Variants in GRXCR1 observed in about 807,000 individuals in gnomAD.
The protein encoded by GRXCR1 is glutaredoxin and cysteine rich domain containing 1, also known as glutaredoxin domain-containing cysteine-rich protein 1.
GRXCR1 carries 27 observed loss-of-function variants against 27.3 expected under a neutral mutation model. The ratio of observed to expected loss-of-function variants is 0.99; its 90% CI spans 0.73 to 1.37. GRXCR1 has a LOEUF of 1.37. Among genes scored for constraint, GRXCR1 ranks in the 40% most tolerant of loss-of-function variants. The pLI is 0.00. For missense variants in GRXCR1, 379 were observed against 354.4 expected (o/e 1.07, Z -0.56); for synonymous variants, 122 against 131.1 (o/e 0.93, Z 0.47).
intron 1 of GRXCR1, among the ~76,000 whole-genome samples, chr4:42,920,514 A>T (rs1404767585): frequency 6.6e-6 from 1 of 152,150 alleles, no homozygotes; most frequent in African/African-American, 2.4e-5. Context: ...TATGGTAAGC[A>T]TGCCTAGAAG....
intron 1 of GRXCR1, among the ~76,000 whole-genome samples, chr4:42,908,420 G>A (rs1055997674): frequency 6.6e-6 from 1 of 152,180 alleles, no homozygotes; most frequent in African/African-American, 2.4e-5. Flanking sequence ...AACCCTAGGA[G>A]TTGGTGCTGT....
intron 1 of GRXCR1, among the ~76,000 whole-genome samples, chr4:42,950,522 G>A (rs1747857709): frequency 1.3e-5 from 2 of 152,160 alleles, no homozygotes; most frequent in Admixed American, 6.6e-5. Context: ...TAGAAGCCAA[G>A]ATATTCATAT....
At chr4:42,995,683 G>A (rs753496459) in intron 2 of GRXCR1, among the ~76,000 whole-genome samples, 55 of 152,096 alleles carry the variant, frequency 3.6e-4, no homozygotes, top group Non-Finnish European at 7.1e-4. Flanking sequence ...AGAAGTATAT[G>A]TACGCCACTC....
chr4:42,905,563 G>A (rs1303828594), intron 1 of GRXCR1, among the ~76,000 whole-genome samples: 1 of 152,134 alleles, frequency 6.6e-6, no homozygotes, highest in Non-Finnish European at 1.5e-5. Flanking sequence ...ATATGATAAA[G>A]GACCCAGACG....
intron 2 of GRXCR1, among the ~76,000 whole-genome samples, chr4:42,972,184 T>C (rs957398751): frequency 6.6e-6 from 1 of 152,234 alleles, no homozygotes; most frequent in Non-Finnish European, 1.5e-5. Context: ...TTTCATTTTT[T>C]ATTATTTAAC....
intron 2 of GRXCR1, among the ~76,000 whole-genome samples, chr4:43,007,190 A>G (rs1222460029): frequency 6.6e-6 from 1 of 152,214 alleles, no homozygotes; most frequent in South Asian, 2.1e-4. Flanking sequence ...AAGCATTCCA[A>G]TGAGGCCACC....
intron 2 of GRXCR1, among the ~76,000 whole-genome samples, chr4:42,996,825 A>G (rs1048828338): frequency 2.6e-5 from 4 of 151,886 alleles, no homozygotes; most frequent in African/African-American, 4.8e-5. Flanking sequence ...TTTTATGTTA[A>G]TATTTTATAT....
At chr4:43,019,544 A>G (rs1713035184) in intron 2 of GRXCR1, among the ~76,000 whole-genome samples, 1 of 152,204 alleles carries the variant, frequency 6.6e-6, no homozygotes, top group Admixed American at 6.5e-5. Context: ...ATTAAAAATA[A>G]TTACTCCAGT....
At chr4:42,953,309 G>A (rs972465328) in intron 1 of GRXCR1, among the ~76,000 whole-genome samples, 1 of 152,158 alleles carries the variant, frequency 6.6e-6, no homozygotes, top group Non-Finnish European at 1.5e-5. Flanking sequence ...TACAGCAAAA[G>A]TGATTCCAAG....
At chr4:43,025,751 C>T (rs10212905) in intron 3 of GRXCR1, among the ~76,000 whole-genome samples, 1 of 152,244 alleles carries the variant, frequency 6.6e-6, no homozygotes, top group East Asian at 1.9e-4. Context: ...CCAAGGCGGG[C>T]GGATCACCAG....
chr4:42,918,741 T>C (rs1746941374), intron 1 of GRXCR1, among the ~76,000 whole-genome samples: 1 of 152,116 alleles, frequency 6.6e-6, no homozygotes, highest in Non-Finnish European at 1.5e-5. Context: ...ATGCTCCCTT[T>C]TTGACATTCC....
At chr4:42,926,017 GA>G (rs961330231) in intron 1 of GRXCR1, among the ~76,000 whole-genome samples, 13 of 152,032 alleles carry the variant, frequency 8.6e-5, no homozygotes, top group South Asian at 2.1e-4. Context: ...AGCTCCTTGA[GA>G]AAAAAAGTTT....
intron 1 of GRXCR1, among the ~76,000 whole-genome samples, chr4:42,903,049 C>T (rs907350867): frequency 2.6e-5 from 4 of 151,656 alleles, no homozygotes; most frequent in African/African-American, 4.9e-5. Flanking sequence ...CAGCACTGGG[C>T]TTCTAGAACT....
At chr4:42,942,848 C>A (rs1747655941) in intron 1 of GRXCR1, among the ~76,000 whole-genome samples, 1 of 152,054 alleles carries the variant, frequency 6.6e-6, no homozygotes, top group South Asian at 2.1e-4. Flanking sequence ...AAATAGATAA[C>A]TATAATAATA....
At chr4:42,995,938 G>A (rs1445324952) in intron 2 of GRXCR1, among the ~76,000 whole-genome samples, 2 of 152,102 alleles carry the variant, frequency 1.3e-5, no homozygotes, top group African/African-American at 2.4e-5. Context: ...TCATGCGAAA[G>A]GCTTTATCTA....
chr4:42,905,735 A>G (rs1008104117), intron 1 of GRXCR1, among the ~76,000 whole-genome samples: 1 of 152,186 alleles, frequency 6.6e-6, no homozygotes, highest in Non-Finnish European at 1.5e-5. Flanking sequence ...TCAGAAAGGA[A>G]AAGAAAATTC....
chr4:42,990,012 T>C (rs10013504), intron 2 of GRXCR1, among the ~76,000 whole-genome samples: 2,421 of 151,978 alleles, frequency 0.016, 72 homozygotes, highest in African/African-American at 0.054. Context: ...TGAAAAACTT[T>C]AATAGCTTCC....
chr4:42,970,510 T>C (rs896343154), intron 2 of GRXCR1, among the ~76,000 whole-genome samples: 11 of 152,184 alleles, frequency 7.2e-5, no homozygotes, highest in Middle Eastern at 3.4e-3. Flanking sequence ...CCCAACACCA[T>C]GTGGAAGCTG....
At chr4:42,948,435 AAC>A (rs1050336087) in intron 1 of GRXCR1, among the ~76,000 whole-genome samples, 4 of 152,166 alleles carry the variant, frequency 2.6e-5, no homozygotes, top group African/African-American at 9.6e-5. Context: ...GTCTTGGAAG[AAC>A]AGTGTGTTTC....
Sources: allele counts gnomAD v4.1 joint callset (sites outside exome capture counted in the v4.1 genomes callset), GRCh38; gene constraint gnomAD v4.1.1; transcripts MANE v1.5; gene names NCBI Gene and HGNC (gene_info 2026-07-23, HGNC 2026-07-21).